GNL2: variants seen among roughly 807,000 people sequenced by gnomAD.
GNL2 encodes nucleolar GTP-binding protein 2.
In GNL2, 51 loss-of-function variants were observed where a neutral mutation model predicts 92.3. The ratio of observed to expected loss-of-function variants is 0.55; its 90% CI spans 0.44 to 0.70. The LOEUF is 0.70. Among genes scored for constraint, GNL2 ranks in the 30% least tolerant of loss-of-function variants. The pLI, the probability that GNL2 is intolerant of heterozygous loss-of-function variation, is 0.00. For synonymous variants in GNL2, 283 were observed against 300.6 expected, an observed-to-expected ratio of 0.94 and a Z score of 0.61; for missense variants, 844 against 895.6, an observed-to-expected ratio of 0.94 and a Z score of 0.74.
At chr1:37,591,407 T>C (rs546802192) in intron 3 of GNL2, among the ~76,000 whole-genome samples, 28 of 152,138 alleles carry the variant, frequency 1.8e-4, no homozygotes, top group Admixed American at 1.6e-3. Context: ...GCGGCATAAA[T>C]GCAAAACAGC....
Position 37,592,280 on chromosome 1 carries a change from C to T in GNL2, c.244+432G>A, listed in dbSNP as rs139856661. Among the ~76,000 whole-genome samples the T allele has an allele frequency of 2.1e-3, 313 of 152,264 alleles. 7 individuals are homozygous for T. The East Asian group carries it at 0.045, about 22-fold the overall frequency. ...ACTGTTGGACAGTTCAACAGTGAGA[C>T]CCTTTAATTGTCACCCAAGTTCAAA... On this transcript the variant is annotated intron_variant, in intron 3 of 15. Coordinates refer to ENST00000373062, the MANE Select transcript of GNL2 (RefSeq NM_013285.3).
chr1:37,593,256 A>G (rs549274509), intron 2 of GNL2, among the ~76,000 whole-genome samples: 1 of 152,342 alleles, frequency 6.6e-6, no homozygotes, highest in African/African-American at 2.4e-5. Context: ...ATCTTTTAGG[A>G]CAGACGGAGA....
chr1:37,593,613 C>T, intron 2 of GNL2, 149 bp downstream of exon 2: 1 of 577,970 alleles, frequency 1.7e-6, no homozygotes, highest in Non-Finnish European at 3.1e-6. Flanking sequence ...AACACTTTAT[C>T]CTAACGACAC....
chr1:37,582,233 T>C lies in GNL2; in HGVS notation c.899A>G (p.Gln300Arg), dbSNP rs1470873661. Residue 300 changes from glutamine (Q) to arginine (R), a missense_variant, in exon 8 of 16, where the codon CAG (glutamine) becomes CGG (arginine). Physicochemically the swap from Gln to Arg is conservative, Grantham distance 43. Coordinates refer to ENST00000373062, the MANE Select transcript of GNL2 (RefSeq NM_013285.3). ...ATCAGGGCTCAATACCTTTCCAAAC[T>C]GCCGCAGAAGCTGAATGAATGCTCC... ...GKGAFIQLLR[Q>R]FGKLHTDKKQ... The C allele has an allele frequency of 6.2e-7, 1 of 1,608,258 alleles. No individual in the cohort carries two copies. The highest frequency in any genetic ancestry group is 2.2e-5 in the East Asian group (1 of 44,802).
At chr1:37,578,608 A>C (rs1002214211) in intron 8 of GNL2, among the ~76,000 whole-genome samples, 10 of 151,900 alleles carry the variant, frequency 6.6e-5, no homozygotes, top group Non-Finnish European at 5.9e-5. Flanking sequence ...ACCAGGCTGA[A>C]GTACAGCGAC....
chr1:37,585,408 A>G (rs1040018592), intron 5 of GNL2, among the ~76,000 whole-genome samples: 1 of 152,186 alleles, frequency 6.6e-6, no homozygotes, highest in Non-Finnish European at 1.5e-5. Context: ...AAACTAAAAA[A>G]AAGCATGACT....
rs575697880 is a variant in GNL2, at chr1:37,572,947, T to C, written c.1416+1396A>G. Among the ~76,000 whole-genome samples the C allele has an allele frequency of 2.0e-5, 3 of 152,264 alleles. No individual in the cohort carries two copies. In the South Asian group the frequency reaches 6.2e-4, roughly 32 times the overall value. On this transcript the variant is annotated intron_variant, in intron 12 of 15. Coordinates refer to ENST00000373062, the MANE Select transcript of GNL2 (RefSeq NM_013285.3). ...GCAGAACTGATATGGAAAAAAATTA[T>C]GTATTTGGTGTCAGAAGAAACCACA...
intron 6 of GNL2, 94 bp downstream of exon 6, chr1:37,583,773 G>C (rs989862492): frequency 1.3e-6 from 1 of 791,250 alleles, no homozygotes; most frequent in African/African-American, 1.7e-5. Context: ...TGTACTCTGC[G>C]CAACAGAGCT....
At chr1:37,582,538 C>CA (rs1643787025) in intron 7 of GNL2, among the ~76,000 whole-genome samples, 1 of 152,062 alleles carries the variant, frequency 6.6e-6, no homozygotes, top group Non-Finnish European at 1.5e-5. Flanking sequence ...AACAATATTC[C>CA]AAAAAATGTC....
chr1:37,583,957 G>A, intron 5 of GNL2, 24 bp from the exon 6 acceptor site: 1 of 1,275,142 alleles, frequency 7.8e-7, no homozygotes, highest in Non-Finnish European at 1.2e-6. Flanking sequence ...CACCCCAAAT[G>A]AGCAACTGAA....
intron 15 of GNL2, 84 bp from the exon 16 acceptor site, chr1:37,567,091 ATC>A: frequency 7.2e-7 from 1 of 1,387,130 alleles, no homozygotes; most frequent in Admixed American, 2.1e-5. Context: ...TCTGCTTCTC[ATC>A]TCTGTGTTCT....
intron 5 of GNL2, 90 bp downstream of exon 5, chr1:37,587,221 C>G (rs1002119408): frequency 1.0e-6 from 1 of 966,774 alleles, no homozygotes; most frequent in African/African-American, 1.7e-5. Context: ...GGGCCAAGAT[C>G]GCACCACTGC....
At chr1:37,576,243 A>G in intron 9 of GNL2, 185 bp downstream of exon 9, 2 of 553,866 alleles carry the variant, frequency 3.6e-6, no homozygotes, top group Middle Eastern at 4.1e-4. Context: ...GGCATATAAA[A>G]TACTCTCAGT....
At chr1:37,592,041 G>T (rs923874391) in intron 3 of GNL2, among the ~76,000 whole-genome samples, 2 of 152,206 alleles carry the variant, frequency 1.3e-5, no homozygotes, top group African/African-American at 4.8e-5. Context: ...TTCTTAGGAA[G>T]TATCCCACTG....
In GNL2 at chr1:37,593,769, C is replaced by G; in HGVS notation, c.142G>C (p.Glu48Gln). 6.2e-7 allele frequency: 1 copy of G among 1,612,940 alleles called. No homozygotes were observed. The highest frequency in any genetic ancestry group is 8.5e-7 in the Non-Finnish European group (1 of 1,178,904). ...ACAGCACCCAGTGCTCACCTGCGCT[C>G]CTTTTGCCTATACATATTCAGGCGC... ...IRRLNMYRQK[E>Q]RRNSRGKIIK... is the part of the protein sequence containing the mutation. The change falls in exon 2 of 16, where the codon GAG becomes CAG. Residue 48 changes from glutamate (E) to glutamine (Q), a missense_variant. By Grantham distance (29) the Glu-to-Gln change is conservative (BLOSUM62 2). Transcript: ENST00000373062.
chr1:37,576,768 G>A (rs1643685412), intron 8 of GNL2, among the ~76,000 whole-genome samples: 1 of 152,214 alleles, frequency 6.6e-6, no homozygotes, highest in African/African-American at 2.4e-5. Flanking sequence ...CCTCAGTCAT[G>A]CAAGTGAAAT....
intron 11 of GNL2, 89 bp from the exon 12 acceptor site, chr1:37,574,545 A>C: frequency 7.2e-7 from 1 of 1,394,870 alleles, no homozygotes; most frequent in South Asian, 1.2e-5. Context: ...CCAGGGGTTC[A>C]TCATCACTTA....
chr1:37,574,244 C>T (rs1643639752), intron 12 of GNL2, 99 bp downstream of exon 12: 2 of 582,534 alleles, frequency 3.4e-6, no homozygotes, highest in Non-Finnish European at 6.1e-6. Flanking sequence ...GACACCGCAG[C>T]TGAATGAATA....
intron 4 of GNL2, among the ~76,000 whole-genome samples, chr1:37,590,095 G>C (rs114802896): frequency 0.018 from 2,678 of 152,258 alleles, 84 homozygotes; most frequent in African/African-American, 0.06. Context: ...AACCCAAGGA[G>C]GTCGGTTATC....
Sources: gnomAD v4.1 joint callset for allele counts (sites outside exome capture counted in the v4.1 genomes callset) on GRCh38, gnomAD v4.1.1 for gene constraint, MANE v1.5 for transcripts, NCBI Gene and HGNC (gene_info 2026-07-23, HGNC 2026-07-21) for gene names.